The following RBFOX1 variants were observed in gnomAD, a reference collection of about 807,000 sequenced individuals.
The protein encoded by RBFOX1 is RNA binding fox-1 homolog 1, also known as RNA binding protein fox-1 homolog 1.
RBFOX1 carries 8 observed loss-of-function variants against 57.7 expected under a neutral mutation model. That is an observed-to-expected ratio of 0.14 (90% confidence interval 0.08 to 0.25). The LOEUF (loss-of-function observed/expected upper bound fraction) is 0.25. RBFOX1 is among the 10% of genes least tolerant of loss of function. The probability of loss-of-function intolerance (pLI) is 1.00; values close to 1 mark genes in which losing one functional copy is unlikely to be tolerated. For synonymous variants in RBFOX1, 326 were observed against 222.4 expected (o/e 1.47, Z -4.15); for missense variants, 611 against 548.5 (o/e 1.11, Z -1.14).
chr16:6,862,833 A>G (rs1024848237), intron 3 of RBFOX1, among the ~76,000 whole-genome samples: 5 of 151,998 alleles, frequency 3.3e-5, no homozygotes, highest in Non-Finnish European at 7.4e-5. Context: ...AAAAATACAA[A>G]AATTAGCCAG....
intron 2 of RBFOX1, among the ~76,000 whole-genome samples, chr16:6,593,998 C>T (rs930137802): frequency 1.4e-4 from 22 of 152,276 alleles, no homozygotes; most frequent in East Asian, 9.7e-4. Context: ...AGCCTCCCTC[C>T]GCCCAGTGTT....
At chr16:6,690,563 A>ATGC (rs1555695809) in intron 3 of RBFOX1, among the ~76,000 whole-genome samples, 1 of 5,494 alleles carries the variant, frequency 1.8e-4, no homozygotes, top group East Asian at 0.083. Flanking sequence ...TTTCAAAACT[A>ATGC]TACTGAGATG....
At position 6,564,999 on chromosome 16, in the gene RBFOX1, G is replaced by T. The variant is rs866965020; in HGVS notation, c.-63-89604G>T. 2.0e-5 allele frequency among the ~76,000 whole-genome samples: 3 copies of T among 151,666 alleles called. No homozygotes were observed. In the South Asian group the frequency reaches 6.3e-4, roughly 32 times the overall value. The stretch of plus-strand genomic sequence containing the variant: ...GTACTAAAAATACAAAAATTAGCTG[G>T]ATGTGCTGGCATGCACTTGTAATCC... On this transcript the variant is annotated intron_variant, in intron 2 of 15. Transcript: ENST00000550418.
At chr16:6,685,020 T>G (rs901219492) in intron 3 of RBFOX1, among the ~76,000 whole-genome samples, 4 of 152,256 alleles carry the variant, frequency 2.6e-5, no homozygotes, top group African/African-American at 9.6e-5. Flanking sequence ...TCAGGAATAG[T>G]GAGGAACTTG....
chr16:6,041,879 T>G (rs1054308105), intron 1 of RBFOX1, among the ~76,000 whole-genome samples: 4 of 152,088 alleles, frequency 2.6e-5, no homozygotes, highest in Admixed American at 2.0e-4. Flanking sequence ...TGTTTTAAAG[T>G]TCTATAGCTC....
intron 2 of RBFOX1, among the ~76,000 whole-genome samples, chr16:6,320,410 A>G (rs1242041939): frequency 1.3e-5 from 2 of 152,084 alleles, no homozygotes; most frequent in Non-Finnish European, 2.9e-5. Flanking sequence ...TTGGGTGATG[A>G]GTGTGCCAAA....
intron 3 of RBFOX1, among the ~76,000 whole-genome samples, chr16:6,943,983 G>T (rs138861512): frequency 2.0e-5 from 3 of 152,182 alleles, no homozygotes; most frequent in South Asian, 2.1e-4. Context: ...CCCAACTCAC[G>T]AACTGTTCAT....
At chr16:5,748,272 G>C (rs2053062779) in intron 3 of RBFOX1, among the ~76,000 whole-genome samples, 1 of 152,082 alleles carries the variant, frequency 6.6e-6, no homozygotes, top group Non-Finnish European at 1.5e-5. Flanking sequence ...TTTTACATTT[G>C]CTGAGGAGTG....
intron 3 of RBFOX1, among the ~76,000 whole-genome samples, chr16:6,656,556 T>A (rs1272547883): frequency 6.6e-6 from 1 of 151,626 alleles, no homozygotes; most frequent in African/African-American, 2.4e-5. Context: ...ATGGTCATAC[T>A]GTGCATATGT....
intron 1 of RBFOX1, among the ~76,000 whole-genome samples, chr16:6,269,969 G>C (rs185823275): frequency 6.6e-5 from 10 of 152,216 alleles, no homozygotes; most frequent in African/African-American, 2.4e-4. Context: ...AACATAAAGG[G>C]AGTTAAGATT....
chr16:7,624,339 A>C (rs1451979146), intron 10 of RBFOX1, among the ~76,000 whole-genome samples: 1 of 152,254 alleles, frequency 6.6e-6, no homozygotes, highest in Non-Finnish European at 1.5e-5. Flanking sequence ...GTTATATCTA[A>C]TAAAAATTGT....
intron 1 of RBFOX1, among the ~76,000 whole-genome samples, chr16:6,239,342 G>A (rs933321725): frequency 6.6e-6 from 1 of 152,086 alleles, no homozygotes; most frequent in African/African-American, 2.4e-5. Flanking sequence ...AGGGACCACA[G>A]TGTCCAAGGG....
At chr16:6,817,532 TAAAAAAA>T (rs71145302) in intron 3 of RBFOX1, among the ~76,000 whole-genome samples, 7 of 127,580 alleles carry the variant, frequency 5.5e-5, no homozygotes, top group African/African-American at 1.8e-4. Context: ...TTTCTTTGCT[TAAAAAAA>T]AAAAAAAAAA....
chr16:6,361,165 G>T (rs187411410), intron 2 of RBFOX1, among the ~76,000 whole-genome samples: 10 of 152,190 alleles, frequency 6.6e-5, no homozygotes, highest in Admixed American at 6.5e-4. Context: ...CAGGTTATGT[G>T]TCTCAATCAC....
chr16:5,347,942 A>G (rs1383955793), intron 1 of RBFOX1, among the ~76,000 whole-genome samples: 2 of 98,362 alleles, frequency 2.0e-5, no homozygotes, highest in Non-Finnish European at 3.8e-5. Flanking sequence ...CCACTCAATC[A>G]TGCACTCATT....
chr16:5,412,849 C>A (rs1302192743), intron 1 of RBFOX1, among the ~76,000 whole-genome samples: 1 of 152,190 alleles, frequency 6.6e-6, no homozygotes, highest in Non-Finnish European at 1.5e-5. Context: ...GGGAAGGATC[C>A]AGGAGTCCTG....
chr16:7,327,340 T>C (rs921059305), intron 4 of RBFOX1, among the ~76,000 whole-genome samples: 2 of 152,134 alleles, frequency 1.3e-5, no homozygotes, highest in Admixed American at 6.6e-5. Context: ...AACGGAAAAT[T>C]TGTATCGGAG....
intron 4 of RBFOX1, among the ~76,000 whole-genome samples, chr16:7,224,188 A>T (rs57936485): frequency 0.068 from 10,031 of 147,308 alleles, 946 homozygotes; most frequent in African/African-American, 0.21. Flanking sequence ...CAGCTCACTC[A>T]GTGCAATACT....
At chr16:7,509,685 A>T (rs184336189) in intron 4 of RBFOX1, among the ~76,000 whole-genome samples, 1 of 152,150 alleles carries the variant, frequency 6.6e-6, no homozygotes, top group Non-Finnish European at 1.5e-5. Flanking sequence ...TTACAAATTC[A>T]TGCTCTCTTG....
Sources: gnomAD v4.1 joint callset for allele counts (sites outside exome capture counted in the v4.1 genomes callset) on GRCh38, gnomAD v4.1.1 for gene constraint, MANE v1.5 for transcripts, NCBI Gene and HGNC (gene_info 2026-07-23, HGNC 2026-07-21) for gene names.